The following PCDHAC1 variants were observed in gnomAD, a reference collection of about 807,000 sequenced individuals.
The protein encoded by PCDHAC1 is protocadherin alpha-C1.
PCDHAC1 carries 42 observed loss-of-function variants against 60.0 expected under a neutral mutation model. That is an observed-to-expected ratio of 0.70 (90% confidence interval 0.55 to 0.90). PCDHAC1 has a LOEUF of 0.90. Among genes scored for constraint, PCDHAC1 ranks in the 40% least tolerant of loss-of-function variants. The pLI is 0.00. For synonymous variants in PCDHAC1, 468 were observed against 499.3 expected (o/e 0.94, Z 0.84); for missense variants, 1,160 against 1,222.3 (o/e 0.95, Z 0.76).
chr5:140,943,696 A>G (rs2093549628), intron 1 of PCDHAC1, among the ~76,000 whole-genome samples: 1 of 152,256 alleles, frequency 6.6e-6, no homozygotes, highest in South Asian at 2.1e-4. Context: ...AGGTCAAAAT[A>G]TTGTGGAACA....
Position 141,010,040 on chromosome 5 carries a change from C to G in PCDHAC1, c.*103C>G. On this transcript the variant is annotated 3_prime_UTR_variant, in exon 4 of 4. Transcript: ENST00000253807. Reference sequence around the variant, plus strand: ...CCTTTTTCCTATCTACATGAGCCCTCTTAGAGACCTCAGAAATCTGCAGAA... The same window carrying G: ...CCTTTTTCCTATCTACATGAGCCCTGTTAGAGACCTCAGAAATCTGCAGAA... 5.6e-6 allele frequency: 9 copies of G among 1,593,642 alleles called. No individual in the cohort carries two copies. The highest frequency in any genetic ancestry group is 7.7e-6 in the Non-Finnish European group (9 of 1,170,750).
At chr5:140,948,245 A>G (rs1554218500) in intron 1 of PCDHAC1, among the ~76,000 whole-genome samples, 2 of 151,606 alleles carry the variant, frequency 1.3e-5, no homozygotes, top group African/African-American at 4.8e-5. Flanking sequence ...TTTAGTAAAT[A>G]TTTTTACATC....
rs959323631 is a variant in PCDHAC1 at position 140,967,718 on chromosome 5, C to A, written c.2434-11231C>A. The A allele has an allele frequency of 8.7e-6, 14 of 1,614,106 alleles. 1 individual carries two copies. The South Asian group carries it at 1.5e-4, about 18-fold the overall frequency. ...CATAGATGCCAGTACCGGGGAAGTG[C>A]GAGTAATTGGGGGGCTGGATTATGA... On this transcript the variant is annotated intron_variant, in intron 1 of 3. Transcript: ENST00000253807.
intron 1 of PCDHAC1, among the ~76,000 whole-genome samples, chr5:140,944,481 T>C (rs1441639137): frequency 1.3e-5 from 2 of 152,106 alleles, no homozygotes; most frequent in Admixed American, 6.5e-5. Flanking sequence ...GGCACTGGAC[T>C]GAGGCTTCTT....
chr5:140,965,648 GA>G (rs2095919572), intron 1 of PCDHAC1, among the ~76,000 whole-genome samples: 1 of 152,128 alleles, frequency 6.6e-6, no homozygotes, highest in Non-Finnish European at 1.5e-5. Context: ...ACTCTTGAAA[GA>G]AAATGTCTTG....
At chr5:141,006,978 T>C (rs2098297277) in intron 3 of PCDHAC1, among the ~76,000 whole-genome samples, 1 of 152,090 alleles carries the variant, frequency 6.6e-6, no homozygotes, top group African/African-American at 2.4e-5. Context: ...CACAGAGAGA[T>C]GTGGGCTTAA....
In PCDHAC1 at chr5:140,927,104, C is replaced by CA; in HGVS notation, c.212_213insA (p.Ser72GlnfsTer48). On this transcript the variant is annotated frameshift_variant, in exon 1 of 4. Coordinates refer to ENST00000253807, the MANE Select transcript of PCDHAC1 (RefSeq NM_018898.5). LOFTEE classifies it high-confidence loss of function. Reference sequence around the variant, plus strand: ...GAGCTCTACTTCGGGGTGGATCTACCCAGCGGCAATTTGGTGGTCAGAGAG... The same window carrying CA: ...GAGCTCTACTTCGGGGTGGATCTACCACAGCGGCAATTTGGTGGTCAGAGAG... The CA allele has an allele frequency of 6.2e-7, 1 of 1,613,722 alleles. No individual in the cohort carries two copies. The highest frequency in any genetic ancestry group is 8.5e-7 in the Non-Finnish European group (1 of 1,179,782).
At chr5:140,965,314 T>C (rs563123453) in intron 1 of PCDHAC1, among the ~76,000 whole-genome samples, 1 of 152,254 alleles carries the variant, frequency 6.6e-6, no homozygotes, top group East Asian at 1.9e-4. Flanking sequence ...TACCTTCTCT[T>C]TTACTGAAGT....
rs566725560 is a variant in PCDHAC1, at chr5:140,929,099, G to T, written c.2207G>T (p.Cys736Phe). The T allele has an allele frequency of 9.3e-6, 15 of 1,614,170 alleles. No homozygotes were observed. The African/African-American group carries it at 1.9e-4, about 20-fold the overall frequency. ...GGAAGTAAGATGGTTTCAAATCCTT[G>T]CATGACATCAGCCACCATAGATGTC... ...RYGSKMVSNP[C>F]MTSATIDVTT... is the part of the protein sequence containing the mutation. The change falls in exon 1 of 4, where the codon TGC becomes TTC. Residue 736 changes from cysteine (C) to phenylalanine (F), a missense_variant. Physicochemically the swap from Cys to Phe is radical, Grantham distance 205 (BLOSUM62 -2). Around this residue, in one of 3 missense-constraint regions of PCDHAC1, gnomAD observed 1,113 missense variants for 1,163.7 expected, o/e 0.96. Transcript: ENST00000253807.
Position 140,928,973 on chromosome 5 carries a change from T to G in PCDHAC1, c.2081T>G (p.Leu694Ter), listed in dbSNP as rs782178426. ...ATTGCCTTGGCTTGTATTTCCTTTT[T>G]ATTTCTGGGGTGCTTACTTTTCTTC... ...LVIALACISF[L>*]FLGCLLFFVC... is the part of the protein sequence containing the mutation. Residue 694 changes from leucine (L) to a stop codon, truncating the protein, a stop_gained, in exon 1 of 4, where the codon TTA (leucine) becomes TGA (stop). Coordinates refer to ENST00000253807, the MANE Select transcript of PCDHAC1 (RefSeq NM_018898.5). LOFTEE classifies it high-confidence loss of function. 3 of 1,613,958 alleles carry G rather than the reference T, an allele frequency of 1.9e-6. No homozygotes were observed. Among genetic ancestry groups the G allele is most frequent in the Non-Finnish European group, 2.5e-6 (3 of 1,179,930 alleles).
At chr5:140,969,038 A>G in intron 1 of PCDHAC1, 1 of 1,614,148 alleles carries the variant, frequency 6.2e-7, no homozygotes, top group South Asian at 1.1e-5. Context: ...AGAACTGTAC[A>G]AACAAGCCAA....
intron 1 of PCDHAC1, among the ~76,000 whole-genome samples, chr5:140,941,202 C>CTTTCTTTCTTTCTTTCTTTCTTT (rs1554213921): frequency 9.0e-5 from 11 of 122,780 alleles, no homozygotes; most frequent in East Asian, 8.9e-4. Flanking sequence ...TTTCTTTCTT[C>CTTTCTTTCTTTCTTTCTTTCTTT]CTTTCTTTCT....
At chr5:140,968,808 TGGATAGGG>T (rs782488281) in intron 1 of PCDHAC1, 2 of 1,614,204 alleles carry the variant, frequency 1.2e-6, no homozygotes, top group Non-Finnish European at 1.7e-6. Context: ...GTAGCTGTGG[TGGATAGGG>T]TTTCCAAAAT....
chr5:140,937,413 TTAGA>T (rs781915768), intron 1 of PCDHAC1, among the ~76,000 whole-genome samples: 3 of 152,228 alleles, frequency 2.0e-5, no homozygotes, highest in Non-Finnish European at 2.9e-5. Flanking sequence ...ACAACTTTTA[TTAGA>T]TAGCTGATAT....
chr5:140,965,690 T>G (rs1203632136), intron 1 of PCDHAC1, among the ~76,000 whole-genome samples: 2 of 152,172 alleles, frequency 1.3e-5, no homozygotes, highest in Admixed American at 1.3e-4. Context: ...TGAAGCAAGA[T>G]TAGAAAAAGC....
At chr5:140,978,873 A>G in intron 1 of PCDHAC1, 76 bp from the exon 2 acceptor site, 2 of 1,608,618 alleles carry the variant, frequency 1.2e-6, no homozygotes, top group Non-Finnish European at 1.7e-6. Flanking sequence ...TAAGGGAGTA[A>G]CTAATCAATT....
rs1166002941 is a variant in PCDHAC1 at position 141,000,351 on chromosome 5, G to A, written c.2582-9276G>A. ...ACAGCAAGGCCCTATCTCTCTCTCT[G>A]TCTCTCTCTGTCTCTCTCTCTCTCT... On this transcript the variant is annotated intron_variant, in intron 3 of 3. Transcript: ENST00000253807. Among the ~76,000 whole-genome samples the A allele has an allele frequency of 6.0e-5, 4 of 66,852 alleles. No homozygotes were observed. The Admixed American group carries it at 6.5e-4, about 11-fold the overall frequency. 43.9% of individuals were successfully genotyped at this position (66,852 alleles called of 152,430 possible).
chr5:140,972,213 C>T (rs1312530794), intron 1 of PCDHAC1, among the ~76,000 whole-genome samples: 3 of 151,932 alleles, frequency 2.0e-5, no homozygotes, highest in African/African-American at 7.3e-5. Flanking sequence ...GAATATGGCT[C>T]ACTGCAGCCT....
At chr5:140,978,246 C>G (rs1243560833) in intron 1 of PCDHAC1, among the ~76,000 whole-genome samples, 1 of 152,148 alleles carries the variant, frequency 6.6e-6, no homozygotes, top group Admixed American at 6.5e-5. Context: ...TCAGCTACTC[C>G]CTGTTAAACA....
Sources: allele counts gnomAD v4.1 joint callset (sites outside exome capture counted in the v4.1 genomes callset), GRCh38; gene constraint gnomAD v4.1.1; regional missense constraint gnomAD v4.1.1; transcripts MANE v1.5; gene names NCBI Gene and HGNC (gene_info 2026-07-23, HGNC 2026-07-21).